CLDN6: variants seen among roughly 807,000 people sequenced by gnomAD.
The protein encoded by CLDN6 is claudin 6, also known as claudin-6.
For synonymous variants in CLDN6, 144 were observed against 131.2 expected (o/e 1.10, Z -0.67); for missense variants, 279 against 284.1 (o/e 0.98, Z 0.13).
rs1459495375 is a variant in CLDN6, at chr16:3,014,983, G to A, written c.*376C>T. On this transcript the variant is annotated 3_prime_UTR_variant, in exon 2 of 2. Transcript: ENST00000328796. Reference sequence around the variant, plus strand: ...GAGTAGGATGGGGGGCAGCTGTCCAGTGACATCTAGGGAAGCCCAGCCCCC... The same window carrying A: ...GAGTAGGATGGGGGGCAGCTGTCCAATGACATCTAGGGAAGCCCAGCCCCC... 9.8e-6 allele frequency: 4 copies of A among 409,102 alleles called. No individual in the cohort carries two copies. The highest frequency in any genetic ancestry group is 4.3e-6 in the Non-Finnish European group (1 of 232,820). 25.3% of individuals were successfully genotyped at this position (409,102 alleles called of 1,614,324 possible). A position where few individuals can be genotyped will look rare whatever the true frequency, so the allele number is the denominator to read the frequency against.
Position 3,015,444 on chromosome 16 carries a change from G to A in CLDN6, c.578C>T (p.Pro193Leu). The A allele has an allele frequency of 6.4e-7, 1 of 1,568,794 alleles. No homozygotes were observed. The highest frequency in any genetic ancestry group is 1.2e-5 in the South Asian group (1 of 84,250). ...CTCPSGGSQG[P>L]SHYMARYSTS... ...TGAGTAGCGGGCCATGTAATGGCTG[G>A]GGCCCTGGGACCCCCCCGAGGGGCA... is the stretch of plus-strand genomic sequence containing the variant. The change falls in exon 2 of 2, where the codon CCC becomes CTC. Residue 193 changes from proline (P) to leucine (L), a missense_variant. Physicochemically the swap from Pro to Leu is moderately conservative, Grantham distance 98. Transcript: ENST00000328796.
chr16:3,016,133 G>T (rs2072566048), intron 1 of CLDN6, 91 bp from the exon 2 acceptor site: 2 of 1,209,236 alleles, frequency 1.7e-6, no homozygotes, highest in Non-Finnish European at 1.1e-6. Context: ...CATGCACCCT[G>T]GAAAGTGGTC....
In CLDN6 at chr16:3,015,756, A is replaced by G. The variant is rs1368015821; in HGVS notation, c.266T>C (p.Leu89Pro). Residue 89 changes from leucine (L) to proline (P), a missense_variant, in exon 2 of 2, where the codon CTT becomes CCT. By Grantham distance (98) the Leu-to-Pro change is moderately conservative. Coordinates refer to ENST00000328796, the MANE Select transcript of CLDN6 (RefSeq NM_021195.5). The part of the protein sequence containing the change: ...AARALCVIAL[L>P]VALFGLLVYL... ...GACCAGCAAGCCGAACAGGGCCACA[A>G]GGAGGGCGATGACACAGAGGGCACG... 1 of 1,613,966 alleles carries G rather than the reference A, an allele frequency of 6.2e-7. No individual in the cohort carries two copies. Among genetic ancestry groups the G allele is most frequent in the African/African-American group, 1.3e-5 (1 of 74,942 alleles).
chr16:3,017,904 G>A (rs370703677), intron 1 of CLDN6, among the ~76,000 whole-genome samples: 1 of 151,348 alleles, frequency 6.6e-6, no homozygotes, highest in Admixed American at 6.6e-5. Context: ...AGGCAGGTGG[G>A]GGAGGGGCGC....
intron 1 of CLDN6, among the ~76,000 whole-genome samples, chr16:3,017,622 C>T (rs2072575979): frequency 6.6e-6 from 1 of 152,096 alleles, no homozygotes; most frequent in Non-Finnish European, 1.5e-5. Flanking sequence ...CACGGTGCCC[C>T]AGCGCTCAGG....
rs752018951 is a variant in CLDN6, at chr16:3,015,446, G to A, written c.576C>T (p.Gly192=). 1.9e-6 allele frequency: 3 copies of A among 1,571,740 alleles called. No individual in the cohort carries two copies. In the Admixed American group the frequency reaches 5.5e-5, roughly 29 times the overall value. Reference sequence around the variant, plus strand: ...AGTAGCGGGCCATGTAATGGCTGGGGCCCTGGGACCCCCCCGAGGGGCAAG... The same window carrying A: ...AGTAGCGGGCCATGTAATGGCTGGGACCCTGGGACCCCCCCGAGGGGCAAG... ...CCTCPSGGSQ[G]PSHYMARYST... The change falls in exon 2 of 2, where the codon GGC becomes GGT. Residue 192 remains glycine, a synonymous_variant. Coordinates refer to ENST00000328796, the MANE Select transcript of CLDN6 (RefSeq NM_021195.5).
Position 3,015,387 on chromosome 16 carries a change from G to A in CLDN6, c.635C>T (p.Ser212Phe), listed in dbSNP as rs1309724762. The A allele has an allele frequency of 2.0e-6, 3 of 1,524,922 alleles. No individual in the cohort carries two copies. Among genetic ancestry groups the A allele is most frequent in the South Asian group, 1.3e-5 (1 of 75,786 alleles). 94.5% of individuals were successfully genotyped at this position (1,524,922 alleles called of 1,614,324 possible). ...GACGTAATTCTTGGTAGGGTACTCA[G>A]AGGGCCCCCGAGAGATGGCAGGGGC... is the stretch of plus-strand genomic sequence containing the variant. ...TSAPAISRGP[S>F]EYPTKNYV is the part of the protein sequence containing the mutation. The change falls in exon 2 of 2, where the codon TCT becomes TTT. Residue 212 changes from serine (S) to phenylalanine (F), a missense_variant. Transcript: ENST00000328796.
chr16:3,016,782 G>A (rs1459811128), intron 1 of CLDN6, among the ~76,000 whole-genome samples: 1 of 152,068 alleles, frequency 6.6e-6, no homozygotes, highest in East Asian at 1.9e-4. Flanking sequence ...CGAGTAGCTG[G>A]GACTACAGGC....
rs1270429584 is a variant in CLDN6, at chr16:3,015,066, C to T, written c.*293G>A. On this transcript the variant is annotated 3_prime_UTR_variant, in exon 2 of 2. Coordinates refer to ENST00000328796, the MANE Select transcript of CLDN6 (RefSeq NM_021195.5). ...CTTGTTGCAAAGCCAGCACAGCAAG[C>T]AGCCTCCGCATTAGTTCCATAGCTT... The T allele has an allele frequency of 4.6e-5, 20 of 431,020 alleles. No homozygotes were observed. Among genetic ancestry groups the T allele is most frequent in the Non-Finnish European group, 7.7e-5 (19 of 245,378 alleles). 26.7% of individuals were successfully genotyped at this position (431,020 alleles called of 1,614,324 possible).
At chr16:3,016,079 G>A in intron 1 of CLDN6, 37 bp from the exon 2 acceptor site, 1 of 1,556,442 alleles carries the variant, frequency 6.4e-7, no homozygotes, top group Non-Finnish European at 8.7e-7. Flanking sequence ...GGTGAGGCCT[G>A]GCAGGCCCAG....
rs994072441 is a variant in CLDN6 at position 3,015,399 on chromosome 16, G to C, written c.623C>G (p.Ser208Cys). 1 of 1,529,070 alleles carries C rather than the reference G, an allele frequency of 6.5e-7. No individual in the cohort carries two copies. Among genetic ancestry groups the C allele is most frequent in the Non-Finnish European group, 8.8e-7 (1 of 1,141,198 alleles). 94.7% of individuals were successfully genotyped at this position (1,529,070 alleles called of 1,614,324 possible). A position where few individuals can be genotyped will look rare whatever the true frequency, so the allele number is the denominator to read the frequency against. ...GGTAGGGTACTCAGAGGGCCCCCGAGAGATGGCAGGGGCAGATGTTGAGTA... is the reference window on the plus strand; with the variant it reads ...GGTAGGGTACTCAGAGGGCCCCCGACAGATGGCAGGGGCAGATGTTGAGTA... ...ARYSTSAPAISRGPSEYPTKN... is the reference protein window; with the variant it reads ...ARYSTSAPAICRGPSEYPTKN... The change falls in exon 2 of 2, where the codon TCT (serine) becomes TGT (cysteine). Residue 208 changes from serine to cysteine, a missense_variant. Transcript: ENST00000328796.
chr16:3,016,512 G>A (rs141791594), intron 1 of CLDN6, among the ~76,000 whole-genome samples: 212 of 152,308 alleles, frequency 1.4e-3, no homozygotes, highest in Non-Finnish European at 2.6e-3. Context: ...GAGGAGTCTC[G>A]CTCTGTGGCC....
At chr16:3,016,928 A>G (rs908128521) in intron 1 of CLDN6, among the ~76,000 whole-genome samples, 30 of 152,026 alleles carry the variant, frequency 2.0e-4, no homozygotes, top group African/African-American at 6.3e-4. Context: ...GATTACAGGC[A>G]TGAGCCACCA....
At position 3,015,914 on chromosome 16, in the gene CLDN6, G is replaced by A. The variant is rs761515808; in HGVS notation, c.108C>T (p.Ile36=). The change falls in exon 2 of 2, where the codon ATC becomes ATT. Residue 36 remains isoleucine (I), a synonymous_variant. Coordinates refer to ENST00000328796, the MANE Select transcript of CLDN6 (RefSeq NM_021195.5). ...CCTGGGCCACCACGATGCTGTTGCC[G>A]ATGAAAGCGGTCACCTTCCACATGG... ...ALPMWKVTAF[I]GNSIVVAQVV... is the part of the protein sequence containing the mutation. 31 of 1,614,142 alleles carry A rather than the reference G, an allele frequency of 1.9e-5. No homozygotes were observed. The East Asian group carries it at 3.1e-4, about 16-fold the overall frequency.
rs1046748750 is a variant in CLDN6, at chr16:3,015,878, C to T, written c.144G>A (p.Glu48=). The T allele has an allele frequency of 5.0e-6, 8 of 1,614,256 alleles. No individual in the cohort carries two copies. The highest frequency in any genetic ancestry group is 5.9e-6 in the Non-Finnish European group (7 of 1,180,054). Residue 48 remains glutamate, a synonymous_variant, in exon 2 of 2, where the codon GAG becomes GAA. Transcript: ENST00000328796. ...GCACCACGCAGGACATCCACAGGCC[C>T]TCCCACACCACCTGGGCCACCACGA... ...NSIVVAQVVW[E]GLWMSCVVQS... is the part of the protein sequence containing the mutation.
chr16:3,017,471 T>A (rs1334220907), intron 1 of CLDN6, among the ~76,000 whole-genome samples: 4 of 152,082 alleles, frequency 2.6e-5, no homozygotes, highest in Non-Finnish European at 5.9e-5. Flanking sequence ...GGCTGTGGCC[T>A]CCCACTGCCC....
Position 3,015,831 on chromosome 16 carries a change from C to T in CLDN6, c.191G>A (p.Cys64Tyr), listed in dbSNP as rs2072563228. ...CVVQSTGQMQ[C>Y]KVYDSLLALP... Reference sequence around the variant, plus strand: ...CGCCAGCAGTGAGTCGTACACCTTGCACTGCATCTGGCCGGTGCTCTGCAC... The same window carrying T: ...CGCCAGCAGTGAGTCGTACACCTTGTACTGCATCTGGCCGGTGCTCTGCAC... The change falls in exon 2 of 2, where the codon TGC (cysteine) becomes TAC (tyrosine). Residue 64 changes from cysteine to tyrosine, a missense_variant. Transcript: ENST00000328796. 1 of 1,614,086 alleles carries T rather than the reference C, an allele frequency of 6.2e-7. No individual in the cohort carries two copies.
At position 3,015,805 on chromosome 16, in the gene CLDN6, G is replaced by T. The variant is rs2072563006; in HGVS notation, c.217C>A (p.Leu73Met). The change falls in exon 2 of 2, where the codon CTG becomes ATG. Residue 73 changes from leucine (L) to methionine (M), a missense_variant. Leu to Met is a conservative substitution (Grantham distance 15). Coordinates refer to ENST00000328796, the MANE Select transcript of CLDN6 (RefSeq NM_021195.5). ...QCKVYDSLLA[L>M]PQDLQAARAL... The stretch of plus-strand genomic sequence containing the variant: ...CGTGCAGCCTGCAGGTCCTGTGGCA[G>T]CGCCAGCAGTGAGTCGTACACCTTG... The T allele has an allele frequency of 6.2e-7, 1 of 1,614,086 alleles. No homozygotes were observed. The highest frequency in any genetic ancestry group is 8.5e-7 in the Non-Finnish European group (1 of 1,180,054).
At position 3,014,827 on chromosome 16, in the gene CLDN6, G is replaced by A. The variant is rs772015774; in HGVS notation, c.*532C>T. On this transcript the variant is annotated 3_prime_UTR_variant, in exon 2 of 2. Transcript: ENST00000328796. ...GTGGGGGCGGGGGTCTACATAGCTG[G>A]GACCTGGCCCTGGGGGGTGGACGTC... is the stretch of plus-strand genomic sequence containing the variant. 3.3e-6 allele frequency: 1 copy of A among 300,982 alleles called. No homozygotes were observed. Among genetic ancestry groups the A allele is most frequent in the Non-Finnish European group, 6.1e-6 (1 of 165,242 alleles). The allele number at this position is 300,982 out of a possible 1,614,324, so 18.6% of individuals were successfully genotyped here.
Sources: allele counts gnomAD v4.1 joint callset (sites outside exome capture counted in the v4.1 genomes callset), GRCh38; gene constraint gnomAD v4.1.1; transcripts MANE v1.5; gene names NCBI Gene and HGNC (gene_info 2026-07-23, HGNC 2026-07-21).